The following HSPA4 variants were observed in gnomAD, a reference collection of about 807,000 sequenced individuals.
The protein encoded by HSPA4 is heat shock 70 kDa protein 4.
Under a neutral mutation model 106.2 loss-of-function variants are expected in HSPA4, and 25 were observed. That is an observed-to-expected ratio of 0.24 (90% CI 0.17 to 0.33). The LOEUF (loss-of-function observed/expected upper bound fraction) is 0.33. Among genes scored for constraint, HSPA4 ranks in the 10% least tolerant of loss-of-function variants. The pLI, the probability that HSPA4 is intolerant of heterozygous loss-of-function variation, is 1.00. For missense variants in HSPA4, 841 were observed against 996.0 expected, an observed-to-expected ratio of 0.84 and a Z score of 2.10; for synonymous variants, 332 against 333.6, an observed-to-expected ratio of 1.00 and a Z score of 0.05.
In HSPA4 at chr5:133,067,473, A is replaced by G; in HGVS notation, c.222A>G (p.Ala74=). The part of the protein sequence containing the change: ...VQGFKRFHGR[A]FSDPFVEAEK... ...GATTTAAAAGATTCCATGGCCGAGC[A>G]TTCTCTGATCCATTTGTGGAGGCAG... Residue 74 remains alanine, a synonymous_variant, in exon 3 of 19, where the codon GCA becomes GCG. Transcript: ENST00000304858. The G allele has an allele frequency of 1.2e-6, 2 of 1,613,694 alleles. No individual in the cohort carries two copies. The highest frequency in any genetic ancestry group is 1.7e-6 in the Non-Finnish European group (2 of 1,179,540).
chr5:133,070,533 T>C lies in HSPA4; in HGVS notation c.429+37T>C, dbSNP rs778254594. On this transcript the variant is annotated intron_variant, in intron 4 of 18. Transcript: ENST00000304858. Reference sequence around the variant, plus strand: ...CCCTATACATTATTGGGAATTTGCATGAAGAAGCAGAGAGAAGAAAGCTGC... The same window carrying C: ...CCCTATACATTATTGGGAATTTGCACGAAGAAGCAGAGAGAAGAAAGCTGC... 6 of 1,609,122 alleles carry C rather than the reference T, an allele frequency of 3.7e-6. No individual in the cohort carries two copies. In the South Asian group the frequency reaches 5.5e-5, roughly 15 times the overall value.
Position 133,070,378 on chromosome 5 carries a change from C to G in HSPA4, c.311C>G (p.Thr104Arg), listed in dbSNP as rs1459462893. ...LPTGLTGIKVTYMEEERNFTT... is the reference protein window; with the variant it reads ...LPTGLTGIKVRYMEEERNFTT... ...CCCTTTGTTGTTTTCTTGCAGGTGA[C>G]ATATATGGAGGAAGAGCGAAATTTT... Residue 104 changes from threonine to arginine, a missense_variant, in exon 4 of 19, where the codon ACA becomes AGA. Physicochemically the swap from Thr to Arg is moderately conservative, Grantham distance 71 (BLOSUM62 -1). This residue lies in a region of HSPA4 where 347 missense variants were observed against 408.7 expected (regional missense o/e 0.85). Transcript: ENST00000304858. The G allele has an allele frequency of 1.4e-5, 23 of 1,609,474 alleles. No individual in the cohort carries two copies. The highest frequency in any genetic ancestry group is 1.9e-5 in the Non-Finnish European group (22 of 1,178,704).
At chr5:133,068,870 T>A (rs976911890) in intron 3 of HSPA4, among the ~76,000 whole-genome samples, 3 of 151,784 alleles carry the variant, frequency 2.0e-5, no homozygotes, top group Admixed American at 6.6e-5. Flanking sequence ...TAGATGCAAG[T>A]CTAAAAGTGG....
chr5:133,053,424 C>T lies in HSPA4; in HGVS notation c.107+1067C>T, dbSNP rs146418942. On this transcript the variant is annotated intron_variant, in intron 1 of 18. Transcript: ENST00000304858. ...TGGTGCGATCTTGGTTCACTGCAGC[C>T]TCGACCTCCCTGGCTCCTGGCTCAG... 1.1e-3 allele frequency among the ~76,000 whole-genome samples: 159 copies of T among 151,114 alleles called. 2 individuals are homozygous for T. Among genetic ancestry groups the T allele is most frequent in the Middle Eastern group, 0.01 (3 of 292 alleles).
At chr5:133,068,597 A>G (rs190445077) in intron 3 of HSPA4, among the ~76,000 whole-genome samples, 68 of 152,346 alleles carry the variant, frequency 4.5e-4, no homozygotes, top group African/African-American at 1.3e-3. Flanking sequence ...AGTTGTATTT[A>G]GAAGTGAAAA....
At chr5:133,070,288 G>T in intron 3 of HSPA4, 86 bp from the exon 4 acceptor site, 1 of 1,323,820 alleles carries the variant, frequency 7.6e-7, no homozygotes, top group Non-Finnish European at 1.0e-6. Flanking sequence ...ATTGATAATG[G>T]GAAGCATTGT....
intron 8 of HSPA4, among the ~76,000 whole-genome samples, chr5:133,087,635 T>G (rs978285465): frequency 2.0e-5 from 3 of 152,216 alleles, no homozygotes; most frequent in Admixed American, 2.0e-4. Flanking sequence ...TTTATTTTTA[T>G]TTTTTGAGAT....
At chr5:133,056,541 G>C (rs919823842) in intron 1 of HSPA4, among the ~76,000 whole-genome samples, 2 of 152,206 alleles carry the variant, frequency 1.3e-5, no homozygotes, top group African/African-American at 2.4e-5. Flanking sequence ...AAAGTGCTGG[G>C]AATACAGGCG....
At chr5:133,080,437 A>AG (rs1320931731) in intron 7 of HSPA4, among the ~76,000 whole-genome samples, 10 of 150,878 alleles carry the variant, frequency 6.6e-5, no homozygotes, top group African/African-American at 2.2e-4. Flanking sequence ...AAAAAAAAAA[A>AG]AAAACCCAAT....
At chr5:133,055,368 G>A (rs1375649922) in intron 1 of HSPA4, among the ~76,000 whole-genome samples, 1 of 132,456 alleles carries the variant, frequency 7.5e-6, no homozygotes, top group East Asian at 2.2e-4. Context: ...TGGATTTGGA[G>A]CTCATATGTA....
chr5:133,097,294 T>C lies in HSPA4; in HGVS notation c.1929+8T>C, dbSNP rs1300875071. 1 of 1,610,432 alleles carries C rather than the reference T, an allele frequency of 6.2e-7. No individual in the cohort carries two copies. The highest frequency in any genetic ancestry group is 1.1e-5 in the South Asian group (1 of 90,856). On this transcript the variant is annotated splice_region_variant and intron_variant, in intron 15 of 18. Transcript: ENST00000304858. ...AAGTTTGTGAGTGAAGATGTAAGTCTGCCACAATATGCCTAACTACTGTGT... is the reference window on the plus strand; with the variant it reads ...AAGTTTGTGAGTGAAGATGTAAGTCCGCCACAATATGCCTAACTACTGTGT...
intron 13 of HSPA4, among the ~76,000 whole-genome samples, chr5:133,095,613 C>T (rs766488523): frequency 1.6e-4 from 24 of 152,102 alleles, no homozygotes; most frequent in Non-Finnish European, 3.1e-4. Context: ...TTCATACCCT[C>T]CTCCTCACTA....
chr5:133,066,018 A>G (rs963127588), intron 2 of HSPA4, among the ~76,000 whole-genome samples: 2 of 152,214 alleles, frequency 1.3e-5, no homozygotes, highest in African/African-American at 4.8e-5. Flanking sequence ...GATGTTTTAT[A>G]GTTCATTTTC....
At chr5:133,078,828 G>C (rs1765479869) in intron 7 of HSPA4, among the ~76,000 whole-genome samples, 1 of 151,752 alleles carries the variant, frequency 6.6e-6, no homozygotes, top group Admixed American at 6.6e-5. Context: ...CTGTTTCCTG[G>C]GCTCAAGTGA....
intron 1 of HSPA4, among the ~76,000 whole-genome samples, 166 bp from the exon 2 acceptor site, chr5:133,064,814 G>A (rs1026304717): frequency 3.9e-5 from 6 of 152,230 alleles, no homozygotes; most frequent in South Asian, 2.1e-4. Flanking sequence ...AGTTGTAAGA[G>A]GCAACCTGTT....
chr5:133,092,631 CTTTGTCAATGTGT>C (rs1307653858), intron 12 of HSPA4, 56 bp from the exon 13 acceptor site: 16 of 1,016,652 alleles, frequency 1.6e-5, no homozygotes, highest in Non-Finnish European at 2.3e-5. Context: ...AACTATGTGA[CTTTGTCAATGTGT>C]AATGAAGGTT....
intron 4 of HSPA4, among the ~76,000 whole-genome samples, chr5:133,072,393 T>TG (rs1765393649): frequency 2.2e-5 from 1 of 44,448 alleles, no homozygotes; most frequent in African/African-American, 1.2e-4. Context: ...TCCAGGGTTG[T>TG]TTTTTTTTTT....
chr5:133,074,657 G>A (rs1490097069), intron 6 of HSPA4, among the ~76,000 whole-genome samples: 3 of 152,164 alleles, frequency 2.0e-5, no homozygotes, highest in Non-Finnish European at 4.4e-5. Flanking sequence ...CTGTACTCTT[G>A]CTCATGAGGT....
chr5:133,088,913 C>T, intron 9 of HSPA4, 142 bp from the exon 10 acceptor site: 1 of 500,944 alleles, frequency 2.0e-6, no homozygotes, highest in Non-Finnish European at 3.5e-6. Context: ...GTTTGTAAAA[C>T]TGTTCAGACA....
Sources: allele counts gnomAD v4.1 joint callset (sites outside exome capture counted in the v4.1 genomes callset), GRCh38; gene constraint gnomAD v4.1.1; regional missense constraint gnomAD v4.1.1; transcripts MANE v1.5; gene names NCBI Gene and HGNC (gene_info 2026-07-23, HGNC 2026-07-21).